DNAH8: variants seen among roughly 807,000 people sequenced by gnomAD.
DNAH8 encodes the protein dynein axonemal heavy chain 8.
In DNAH8, 382 loss-of-function variants were observed where a neutral mutation model predicts 562.1. The ratio of observed to expected loss-of-function variants is 0.68; its 90% CI spans 0.63 to 0.74. The LOEUF (loss-of-function observed/expected upper bound fraction) is 0.74. Among genes scored for constraint, DNAH8 ranks in the 30% least tolerant of loss-of-function variants. The pLI is 0.00. For missense variants in DNAH8, 5,203 were observed against 5,620.4 expected (o/e 0.93, Z 2.37); for synonymous variants, 1,881 against 1,919.4 (o/e 0.98, Z 0.52).
chr6:38,718,798 A>T (rs1762531356), intron 1 of DNAH8, among the ~76,000 whole-genome samples: 1 of 152,182 alleles, frequency 6.6e-6, no homozygotes, highest in Non-Finnish European at 1.5e-5. Flanking sequence ...CAGATTCTGA[A>T]TCCTTGCTGT....
intron 87 of DNAH8, among the ~76,000 whole-genome samples, chr6:38,988,876 G>T (rs1443941418): frequency 2.0e-5 from 3 of 152,090 alleles, no homozygotes; most frequent in Non-Finnish European, 4.4e-5. Context: ...TTAGTACTTT[G>T]CTTATTTTTA....
At chr6:38,834,043 A>C (rs913091468) in intron 31 of DNAH8, among the ~76,000 whole-genome samples, 2 of 152,160 alleles carry the variant, frequency 1.3e-5, no homozygotes, top group African/African-American at 2.4e-5. Context: ...TAGCCACCAG[A>C]CACTGCTTTC....
At position 38,969,756 on chromosome 6, in the gene DNAH8, G is replaced by A. The variant is rs1037846664; in HGVS notation, c.12452-1836G>A. Among the ~76,000 whole-genome samples the A allele has an allele frequency of 1.2e-4, 19 of 152,152 alleles. No individual in the cohort carries two copies. In the East Asian group the frequency reaches 3.5e-3, roughly 28 times the overall value. ...GTGGCAGCAGTAGCAGGGACTGATT[G>A]TGTAGGGCCTTATAGTCTGTAAATA... On this transcript the variant is annotated intron_variant, in intron 82 of 92. Coordinates refer to ENST00000327475, the MANE Select transcript of DNAH8 (RefSeq NM_001206927.2).
At chr6:38,721,873 A>T (rs1002416601) in intron 1 of DNAH8, among the ~76,000 whole-genome samples, 1 of 151,068 alleles carries the variant, frequency 6.6e-6, no homozygotes, top group East Asian at 2.0e-4. Context: ...CTCACTAGAA[A>T]CCTCTTTTTC....
At chr6:38,800,439 G>A (rs985451322) in intron 21 of DNAH8, among the ~76,000 whole-genome samples, 1 of 152,148 alleles carries the variant, frequency 6.6e-6, no homozygotes, top group Non-Finnish European at 1.5e-5. Context: ...AGCTGTCCTG[G>A]TGAGTGTGAA....
At chr6:38,870,603 T>C (rs913225828) in intron 49 of DNAH8, 41 bp downstream of exon 49, 3 of 1,560,532 alleles carry the variant, frequency 1.9e-6, no homozygotes, top group Non-Finnish European at 2.6e-6. Context: ...ATGATAAGTA[T>C]GTGTTAAACA....
intron 88 of DNAH8, among the ~76,000 whole-genome samples, chr6:38,992,770 A>G (rs1263089460): frequency 6.6e-6 from 1 of 152,240 alleles, no homozygotes; most frequent in Non-Finnish European, 1.5e-5. Flanking sequence ...GAAAAGGTCC[A>G]GAGAAGTACA....
intron 9 of DNAH8, among the ~76,000 whole-genome samples, chr6:38,751,050 T>C (rs1280125479): frequency 6.6e-6 from 1 of 152,214 alleles, no homozygotes; most frequent in Non-Finnish European, 1.5e-5. Context: ...TTAAAAACAA[T>C]GAGCATTCAT....
chr6:39,000,335 C>T (rs1395329523), intron 88 of DNAH8, among the ~76,000 whole-genome samples: 1 of 152,110 alleles, frequency 6.6e-6, no homozygotes, highest in African/African-American at 2.4e-5. Context: ...TCAAAGAAAG[C>T]TAGTGAGACA....
At chr6:39,012,675 G>T (rs764609505) in intron 91 of DNAH8, 38 bp downstream of exon 91, 58 of 1,488,016 alleles carry the variant, frequency 3.9e-5, no homozygotes, top group Non-Finnish European at 5.4e-5. Context: ...CTTGGAATTT[G>T]TGTATTGTTG....
At position 38,832,690 on chromosome 6, in the gene DNAH8, T is replaced by G. The variant is rs554286731; in HGVS notation, c.4302+255T>G. Reference sequence around the variant, plus strand: ...TACGCTAACACTAACGATAGCTGATTAGCTTTTAAAAATTGCAGAAAAATC... The same window carrying G: ...TACGCTAACACTAACGATAGCTGATGAGCTTTTAAAAATTGCAGAAAAATC... On this transcript the variant is annotated intron_variant, in intron 31 of 92. Transcript: ENST00000327475. Among the ~76,000 whole-genome samples, 432 of 152,340 alleles carry G rather than the reference T, an allele frequency of 2.8e-3. 2 individuals carry two copies. The highest frequency in any genetic ancestry group is 9.7e-3 in the African/African-American group (402 of 41,594).
chr6:38,979,758 G>C (rs1763908321), intron 85 of DNAH8, among the ~76,000 whole-genome samples: 1 of 152,162 alleles, frequency 6.6e-6, no homozygotes, highest in Non-Finnish European at 1.5e-5. Flanking sequence ...CATATAAATA[G>C]GAGTGTTTCC....
At chr6:38,888,809 C>A (rs952014399) in intron 57 of DNAH8, among the ~76,000 whole-genome samples, 1 of 152,208 alleles carries the variant, frequency 6.6e-6, no homozygotes, top group African/African-American at 2.4e-5. Context: ...GCTACAAACC[C>A]TTTGGATAAC....
Position 39,008,839 on chromosome 6 carries a change from G to C in DNAH8, c.13240G>C (p.Val4414Leu). The change falls in exon 89 of 93, where the codon GTT becomes CTT. Residue 4414 changes from valine to leucine, a missense_variant. Coordinates refer to ENST00000327475, the MANE Select transcript of DNAH8 (RefSeq NM_001206927.2). ...GTATCAGAGTAACACTGCTTCTGCT[G>C]TTCTTGAAACAATTACCAACATTCA... ...ITYQSNTASA[V>L]LETITNIQPK... 6.2e-7 allele frequency: 1 copy of C among 1,608,188 alleles called. No individual in the cohort carries two copies. Among genetic ancestry groups the C allele is most frequent in the Non-Finnish European group, 8.5e-7 (1 of 1,175,052 alleles).
chr6:38,863,392 A>C (rs1776790538), intron 44 of DNAH8, among the ~76,000 whole-genome samples: 2 of 152,074 alleles, frequency 1.3e-5, no homozygotes. Context: ...TTGCCACTGC[A>C]CTCCAGCCTG....
chr6:39,029,642 G>T (rs902386551), intron 92 of DNAH8, among the ~76,000 whole-genome samples: 1 of 152,070 alleles, frequency 6.6e-6, no homozygotes, highest in Non-Finnish European at 1.5e-5. Context: ...CCGCTAGCTG[G>T]GCCTGGCTGT....
chr6:38,929,575 C>T lies in DNAH8; in HGVS notation c.11183C>T (p.Pro3728Leu). 1 of 1,612,350 alleles carries T rather than the reference C, an allele frequency of 6.2e-7. No homozygotes were observed. The highest frequency in any genetic ancestry group is 8.5e-7 in the Non-Finnish European group (1 of 1,179,294). The part of the protein sequence containing the change: ...HLEDSLSLGR[P>L]LLIEDIHEEL... ...GAGGACAGCCTTTCCTTGGGCCGAC[C>T]CCTTCTCATTGAGGACATTCATGAA... The change falls in exon 75 of 93, where the codon CCC becomes CTC. Residue 3728 changes from proline (P) to leucine (L), a missense_variant. Pro to Leu is a moderately conservative substitution (Grantham distance 98, BLOSUM62 -3). Coordinates refer to ENST00000327475, the MANE Select transcript of DNAH8 (RefSeq NM_001206927.2).
At chr6:38,740,404 G>A (rs1764429418) in intron 7 of DNAH8, among the ~76,000 whole-genome samples, 1 of 152,004 alleles carries the variant, frequency 6.6e-6, no homozygotes, top group Non-Finnish European at 1.5e-5. Context: ...CTCCAAAAAG[G>A]TTTTGCATAT....
chr6:38,937,425 C>T (rs114228474), intron 77 of DNAH8, among the ~76,000 whole-genome samples: 9 of 152,198 alleles, frequency 5.9e-5, no homozygotes, highest in South Asian at 4.2e-4. Flanking sequence ...GACATTTTCA[C>T]TATACCCAAT....
Sources: gnomAD v4.1 joint callset for allele counts (sites outside exome capture counted in the v4.1 genomes callset) on GRCh38, gnomAD v4.1.1 for gene constraint, MANE v1.5 for transcripts, NCBI Gene and HGNC (gene_info 2026-07-23, HGNC 2026-07-21) for gene names.